RPTOR: variants seen among roughly 807,000 people sequenced by gnomAD.
The protein encoded by RPTOR is regulatory-associated protein of mTOR.
RPTOR carries 21 observed loss-of-function variants against 169.9 expected under a neutral mutation model. The observed-to-expected ratio is 0.12, with a 90% CI of 0.09 to 0.18. RPTOR has a LOEUF of 0.18. Ranked by LOEUF, RPTOR falls within the 10% of genes least tolerant of loss-of-function variation. RPTOR has a pLI of 1.00. For synonymous variants in RPTOR, 732 were observed against 753.2 expected (o/e 0.97, Z 0.46); for missense variants, 1,133 against 1,855.9 (o/e 0.61, Z 7.16).
At chr17:80,893,964 C>A in intron 20 of RPTOR, 99 bp downstream of exon 20, 1 of 1,214,756 alleles carries the variant, frequency 8.2e-7, no homozygotes, top group South Asian at 1.8e-5. Context: ...CAGTGGGTGT[C>A]AAAACTGTCT....
chr17:80,933,309 T>C (rs1353612844), intron 24 of RPTOR, among the ~76,000 whole-genome samples: 5 of 152,170 alleles, frequency 3.3e-5, no homozygotes, highest in Admixed American at 2.6e-4. Context: ...CAATATCCAG[T>C]AACCATTTGT....
intron 6 of RPTOR, chr17:80,774,399 C>T (rs1449384937): frequency 1.0e-6 from 1 of 962,592 alleles, no homozygotes; most frequent in Admixed American, 6.2e-5. Context: ...GTCACATTTG[C>T]TCTTACTAAT....
At chr17:80,697,760 C>A (rs1013717089) in intron 3 of RPTOR, among the ~76,000 whole-genome samples, 2 of 152,174 alleles carry the variant, frequency 1.3e-5, no homozygotes, top group African/African-American at 4.8e-5. Context: ...GTTGACCCAC[C>A]CACAGAGGGT....
chr17:80,571,130 G>C (rs914897990), intron 1 of RPTOR, among the ~76,000 whole-genome samples: 1 of 152,074 alleles, frequency 6.6e-6, no homozygotes, highest in Non-Finnish European at 1.5e-5. Context: ...GATCTAAATT[G>C]GGCACTCAGT....
chr17:80,809,303 T>G (rs1389668285), intron 7 of RPTOR, among the ~76,000 whole-genome samples: 1 of 152,210 alleles, frequency 6.6e-6, no homozygotes, highest in Non-Finnish European at 1.5e-5. Flanking sequence ...GCAATTCTCG[T>G]GCCTTAGCCT....
chr17:80,798,701 G>A (rs541553612), intron 7 of RPTOR, among the ~76,000 whole-genome samples: 4 of 152,134 alleles, frequency 2.6e-5, no homozygotes, highest in Non-Finnish European at 4.4e-5. Context: ...CTGAGCCAAG[G>A]GGGGGCCAAG....
chr17:80,841,245 G>C (rs1383639896), intron 10 of RPTOR, among the ~76,000 whole-genome samples: 2 of 91,924 alleles, frequency 2.2e-5, no homozygotes, highest in African/African-American at 4.7e-5. Context: ...CCGCACGGCA[G>C]CTCACTCTCA....
chr17:80,902,298 G>T (rs1418683626), intron 20 of RPTOR, among the ~76,000 whole-genome samples: 2 of 152,190 alleles, frequency 1.3e-5, no homozygotes, highest in Non-Finnish European at 2.9e-5. Context: ...TGACATTCAA[G>T]GCCTTCCTTC....
At chr17:80,940,429 C>T in intron 24 of RPTOR, 67 bp from the exon 25 acceptor site, 3 of 1,370,644 alleles carry the variant, frequency 2.2e-6, no homozygotes, top group Non-Finnish European at 3.1e-6. Context: ...GAACCCATAC[C>T]CCATTGATAC....
intron 13 of RPTOR, among the ~76,000 whole-genome samples, chr17:80,872,689 G>A (rs2068064507): frequency 6.6e-6 from 1 of 152,248 alleles, no homozygotes; most frequent in African/African-American, 2.4e-5. Flanking sequence ...TGTCTGCCCA[G>A]CCATCCCAGT....
intron 3 of RPTOR, among the ~76,000 whole-genome samples, chr17:80,672,839 C>T (rs2065832715): frequency 6.6e-6 from 1 of 152,160 alleles, no homozygotes; most frequent in Admixed American, 6.5e-5. Flanking sequence ...AAGATCAAGA[C>T]ACTTTTGTAA....
At chr17:80,949,149 C>G (rs879438608) in intron 27 of RPTOR, among the ~76,000 whole-genome samples, 1 of 152,148 alleles carries the variant, frequency 6.6e-6, no homozygotes, top group African/African-American at 2.4e-5. Context: ...AGGGCAGCCC[C>G]GGCTCCCAGG....
intron 3 of RPTOR, among the ~76,000 whole-genome samples, chr17:80,706,904 T>C (rs1299786833): frequency 6.6e-6 from 1 of 152,252 alleles, no homozygotes; most frequent in Non-Finnish European, 1.5e-5. Flanking sequence ...AGGAGAGCTT[T>C]GAAAATCTTC....
intron 1 of RPTOR, among the ~76,000 whole-genome samples, chr17:80,563,261 C>A (rs2084524957): frequency 6.6e-6 from 1 of 151,680 alleles, no homozygotes; most frequent in African/African-American, 2.4e-5. Context: ...TGCTCTGCAA[C>A]AGGCTGGAGT....
intron 6 of RPTOR, among the ~76,000 whole-genome samples, chr17:80,756,208 T>C (rs2066679455): frequency 6.6e-6 from 1 of 152,202 alleles, no homozygotes; most frequent in Admixed American, 6.5e-5. Context: ...CAGGTTGTGA[T>C]AAAAGCAAGC....
chr17:80,858,622 C>T (rs1181248416), intron 13 of RPTOR, among the ~76,000 whole-genome samples: 2 of 152,218 alleles, frequency 1.3e-5, no homozygotes, highest in African/African-American at 2.4e-5. Context: ...GAGCTACCAG[C>T]GAGATGGGTC....
chr17:80,603,014 C>A (rs905518149), intron 1 of RPTOR: 4 of 248,432 alleles, frequency 1.6e-5, no homozygotes, highest in Non-Finnish European at 3.1e-5. Context: ...GTTCTTTGTA[C>A]TTCTCGTGTT....
At chr17:80,917,633 C>A (rs2068689811) in intron 21 of RPTOR, among the ~76,000 whole-genome samples, 3 of 150,370 alleles carry the variant, frequency 2.0e-5, no homozygotes, top group Non-Finnish European at 4.4e-5. Context: ...CTCTGAAATT[C>A]TCTGAAATTT....
intron 9 of RPTOR, among the ~76,000 whole-genome samples, chr17:80,826,434 C>T (rs2067444085): frequency 6.6e-6 from 1 of 152,214 alleles, no homozygotes; most frequent in Non-Finnish European, 1.5e-5. Context: ...TGGCAGTAAC[C>T]GCAGGTCTGG....
Sources: gnomAD v4.1 joint callset for allele counts (sites outside exome capture counted in the v4.1 genomes callset) on GRCh38, gnomAD v4.1.1 for gene constraint, MANE v1.5 for transcripts, NCBI Gene and HGNC (gene_info 2026-07-23, HGNC 2026-07-21) for gene names.